The following NPC1L1 variants were observed in gnomAD, a reference collection of about 807,000 sequenced individuals.
NPC1L1 encodes NPC1 like intracellular cholesterol transporter 1.
A neutral mutation model predicts 117.0 loss-of-function variants in NPC1L1; 98 were observed. The ratio of observed to expected loss-of-function variants is 0.84; its 90% CI spans 0.71 to 0.99. The LOEUF (loss-of-function observed/expected upper bound fraction) is 0.99, where lower values mean the gene tolerates loss of function less well. Ranked by LOEUF, NPC1L1 falls within the 50% of genes least tolerant of loss-of-function variation. The probability of loss-of-function intolerance (pLI) is 0.00; values close to 1 mark genes in which losing one functional copy is unlikely to be tolerated. For missense variants in NPC1L1, 1,540 were observed against 1,710.0 expected (o/e 0.90, Z 1.75); for synonymous variants, 729 against 727.6 (o/e 1.00, Z -0.03).
At position 44,539,085 on chromosome 7, in the gene NPC1L1, G is replaced by A. The variant is rs1207203457; in HGVS notation, c.1312C>T (p.Leu438=). 2 of 1,613,984 alleles carry A rather than the reference G, an allele frequency of 1.2e-6. No homozygotes were observed. Among genetic ancestry groups the A allele is most frequent in the Non-Finnish European group, 1.7e-6 (2 of 1,179,980 alleles). The change falls in exon 2 of 19, where the codon CTG becomes TTG. Residue 438 remains leucine, a synonymous_variant. Coordinates refer to ENST00000381160, the MANE Select transcript of NPC1L1 (RefSeq NM_001101648.2). The surrounding 1 kb of genome is among the most constrained non-coding windows in gnomAD (Gnocchi z 4.4). ...GPKNFSGILD[L]DLLLELLELQ... is the part of the protein sequence containing the mutation. ...TCTAGCAGCTCCAGCAGCAAGTCCA[G>A]GTCCAGGATTCCGCTGAAGTTCTTG...
Position 44,521,042 on chromosome 7 carries a change from C to T in NPC1L1, c.3030G>A (p.Lys1010=), listed in dbSNP as rs369497625. The T allele has an allele frequency of 2.9e-5, 47 of 1,614,044 alleles. No individual in the cohort carries two copies. Among genetic ancestry groups the T allele is most frequent in the Non-Finnish European group, 3.6e-5 (43 of 1,180,050 alleles). Residue 1010 remains lysine, a synonymous_variant, in exon 13 of 19, where the codon AAG becomes AAA. Coordinates refer to ENST00000381160, the MANE Select transcript of NPC1L1 (RefSeq NM_001101648.2). The part of the protein sequence containing the change: ...SVRPSVEQFH[K]YLPWFLNDRP... ...GGTCGTTCAGGAACCAGGGAAGATA[C>T]TTATGGAACTGCTCCACCGAGGGCC...
chr7:44,539,668 G>A lies in NPC1L1; in HGVS notation c.729C>T (p.Cys243=). ...CCACGTCGTCACCTTGGGACTCATT[G>A]CAACGTGCAACCCCCTCATTCAGAG... The part of the protein sequence containing the change: ...IQPLNEGVAR[C]NESQGDDVAT... Residue 243 remains cysteine, a synonymous_variant, in exon 2 of 19, where the codon TGC becomes TGT. Coordinates refer to ENST00000381160, the MANE Select transcript of NPC1L1 (RefSeq NM_001101648.2). This position sits in a 1 kb window ranked among gnomAD's most constrained non-coding sequence, Gnocchi z 4.4. The A allele has an allele frequency of 6.2e-7, 1 of 1,613,968 alleles. No individual in the cohort carries two copies. Among genetic ancestry groups the A allele is most frequent in the Non-Finnish European group, 8.5e-7 (1 of 1,180,038 alleles).
At chr7:44,521,599 A>C in intron 12 of NPC1L1, 113 bp downstream of exon 12, 2 of 1,529,770 alleles carry the variant, frequency 1.3e-6, no homozygotes, top group Non-Finnish European at 1.8e-6. Flanking sequence ...CCCCCGACAG[A>C]CCCTGCAGGA....
chr7:44,517,265 T>C lies in NPC1L1; in HGVS notation c.3229A>G (p.Thr1077Ala), dbSNP rs1360680825. 1 of 1,613,762 alleles carries C rather than the reference T, an allele frequency of 6.2e-7. No individual in the cohort carries two copies. The highest frequency in any genetic ancestry group is 8.5e-7 in the Non-Finnish European group (1 of 1,179,902). The part of the protein sequence containing the change: ...RAARELAANI[T>A]ADLRKVPGTD... ...CCAGGCACTTTCCGCAGGTCAGCAG[T>C]GATGTTGGCTGCCAGCTCTCGAGCT... The change falls in exon 15 of 19, where the codon ACT becomes GCT. Residue 1077 changes from threonine to alanine, a missense_variant. Physicochemically the swap from Thr to Ala is moderately conservative, Grantham distance 58 (BLOSUM62 0). Around this residue, in one of 3 missense-constraint regions of NPC1L1, gnomAD observed 742 missense variants for 873.6 expected, o/e 0.85. Coordinates refer to ENST00000381160, the MANE Select transcript of NPC1L1 (RefSeq NM_001101648.2).
intron 14 of NPC1L1, among the ~76,000 whole-genome samples, chr7:44,518,869 A>G (rs1341695355): frequency 6.6e-6 from 1 of 152,112 alleles, no homozygotes; most frequent in Non-Finnish European, 1.5e-5. Context: ...ACAAATGCCC[A>G]GCCCAGCCCA....
chr7:44,533,850 G>T lies in NPC1L1; in HGVS notation c.2170C>A (p.Leu724Met), dbSNP rs1455886805. The change falls in exon 7 of 19, where the codon CTG becomes ATG. Residue 724 changes from leucine (L) to methionine (M), a missense_variant. Leu to Met is a conservative substitution (Grantham distance 15). This residue lies in a region of NPC1L1 where 742 missense variants were observed against 873.6 expected (regional missense o/e 0.85). Coordinates refer to ENST00000381160, the MANE Select transcript of NPC1L1 (RefSeq NM_001101648.2). ...IFIFVLEYQR[L>M]PRRPGEPREV... ...CGTGGCTCCCCAGGCCTCCGGGGCA[G>T]CCTCTGTGTGGGAACAGCAGGGATA... 2.5e-6 allele frequency: 4 copies of T among 1,610,254 alleles called. No individual in the cohort carries two copies. The South Asian group carries it at 4.4e-5, about 18-fold the overall frequency.
chr7:44,521,996 A>T lies in NPC1L1; in HGVS notation c.2828+56T>A. On this transcript the variant is annotated intron_variant, in intron 11 of 18. Coordinates refer to ENST00000381160, the MANE Select transcript of NPC1L1 (RefSeq NM_001101648.2). ...CATCAGGAAGAGGGGACTGGAGAGGACTGGAGGGACTCAAACAGGGAGTAG... is the reference window on the plus strand; with the variant it reads ...CATCAGGAAGAGGGGACTGGAGAGGTCTGGAGGGACTCAAACAGGGAGTAG... The T allele has an allele frequency of 4.4e-6, 7 of 1,599,494 alleles. No homozygotes were observed. The South Asian group carries it at 6.7e-5, about 15-fold the overall frequency.
Position 44,532,217 on chromosome 7 carries a change from C to T in NPC1L1, c.2410G>A (p.Ala804Thr), listed in dbSNP as rs769856384. Reference sequence around the variant, plus strand: ...CAGCAGCAGACGTCCAACCGGGAGGCCTGGAGTGGGAGGCACCCCCTCAAG... The same window carrying T: ...CAGCAGCAGACGTCCAACCGGGAGGTCTGGAGTGGGAGGCACCCCCTCAAG... ...LLSLDSKRQEASRLDVCCCVK... is the reference protein window; with the variant it reads ...LLSLDSKRQETSRLDVCCCVK... Residue 804 changes from alanine (A) to threonine (T), a missense_variant and splice_region_variant, in exon 9 of 19, where the codon GCC becomes ACC. This residue lies in a region of NPC1L1 where 742 missense variants were observed against 873.6 expected (regional missense o/e 0.85). Coordinates refer to ENST00000381160, the MANE Select transcript of NPC1L1 (RefSeq NM_001101648.2). 2.5e-6 allele frequency: 4 copies of T among 1,613,492 alleles called. No individual in the cohort carries two copies. The Admixed American group carries it at 6.7e-5, about 27-fold the overall frequency.
chr7:44,516,148 G>A lies in NPC1L1; in HGVS notation c.3569C>T (p.Ala1190Val). The part of the protein sequence containing the change: ...EFVSHITRSF[A>V]ISTKPTWLER... Reference sequence around the variant, plus strand: ...CAGCCAGGTGGGCTTGGTGCTGATGGCAAAGGAGCGGGTAATGTGGGACAC... The same window carrying A: ...CAGCCAGGTGGGCTTGGTGCTGATGACAAAGGAGCGGGTAATGTGGGACAC... The change falls in exon 17 of 19, where the codon GCC (alanine) becomes GTC (valine). Residue 1190 changes from alanine (A) to valine (V), a missense_variant. By Grantham distance (64) the Ala-to-Val change is moderately conservative. Around this residue, in one of 3 missense-constraint regions of NPC1L1, gnomAD observed 742 missense variants for 873.6 expected, o/e 0.85. Transcript: ENST00000381160. The A allele has an allele frequency of 6.2e-7, 1 of 1,612,568 alleles. No individual in the cohort carries two copies.
intron 12 of NPC1L1, among the ~76,000 whole-genome samples, chr7:44,521,399 C>T (rs1443642643): frequency 6.6e-6 from 1 of 152,196 alleles, no homozygotes; most frequent in Non-Finnish European, 1.5e-5. Flanking sequence ...GGCGGCAGGG[C>T]CATGTGCTAA....
chr7:44,513,412 AG>A lies in NPC1L1; in HGVS notation c.*34del. 1 of 1,598,456 alleles carries A rather than the reference AG, an allele frequency of 6.3e-7. No homozygotes were observed. Among genetic ancestry groups the A allele is most frequent in the Non-Finnish European group, 8.6e-7 (1 of 1,165,942 alleles). On this transcript the variant is annotated 3_prime_UTR_variant, in exon 19 of 19. Coordinates refer to ENST00000381160, the MANE Select transcript of NPC1L1 (RefSeq NM_001101648.2). ...GAAGATCCCCATAACCCTTTGGTTC[AG>A]GGCCATAGAGCCTAGACAGGGCCTC...
chr7:44,516,225 A>T lies in NPC1L1; in HGVS notation c.3520-28T>A, dbSNP rs751149720. 3.8e-6 allele frequency: 6 copies of T among 1,564,948 alleles called. No individual in the cohort carries two copies. The Admixed American group carries it at 1.1e-4, about 30-fold the overall frequency. ...ATGGGCAGAGAGGGGGCATAAGCCA[A>T]GAAAGGCAGAGGTGGGGAAGGAACT... On this transcript the variant is annotated intron_variant, in intron 16 of 18. Transcript: ENST00000381160.
At chr7:44,516,273 G>A (rs1801183390) in intron 16 of NPC1L1, 76 bp from the exon 17 acceptor site, 2 of 1,227,906 alleles carry the variant, frequency 1.6e-6, no homozygotes, top group African/African-American at 3.0e-5. Flanking sequence ...CCTCCACCAG[G>A]ACCAGCGTGG....
intron 10 of NPC1L1, among the ~76,000 whole-genome samples, 175 bp downstream of exon 10, chr7:44,531,580 A>G (rs1464994197): frequency 6.6e-6 from 1 of 152,152 alleles, no homozygotes; most frequent in East Asian, 1.9e-4. Context: ...TGTGCTGTTC[A>G]TACACGAATG....
In NPC1L1 at chr7:44,517,666, T is replaced by C. The variant is rs373897970; in HGVS notation, c.3137-309A>G. 1.9e-4 allele frequency among the ~76,000 whole-genome samples: 29 copies of C among 152,292 alleles called. No homozygotes were observed. In the South Asian group the frequency reaches 5.0e-3, roughly 26 times the overall value. ...TCTCTGTATGGTTTCAAGATATGCATTGGATTTTTAAAATTAACTTAATTG... is the reference window on the plus strand; with the variant it reads ...TCTCTGTATGGTTTCAAGATATGCACTGGATTTTTAAAATTAACTTAATTG... On this transcript the variant is annotated intron_variant, in intron 14 of 18. Transcript: ENST00000381160.
rs1016131822 is a variant in NPC1L1 at position 44,536,132 on chromosome 7, G to A, written c.1854+124C>T. On this transcript the variant is annotated intron_variant, in intron 4 of 18. Transcript: ENST00000381160. The surrounding 1 kb of genome is among the most constrained non-coding windows in gnomAD (Gnocchi z 4.7). ...TAAGAACAGCCATCACAATCACCCC[G>A]TTCTGAGCAGGCAGCCACTGCCCAG... 3.6e-5 allele frequency: 55 copies of A among 1,540,296 alleles called. No homozygotes were observed. Among genetic ancestry groups the A allele is most frequent in the Middle Eastern group, 4.6e-4 (2 of 4,322 alleles).
intron 10 of NPC1L1, among the ~76,000 whole-genome samples, chr7:44,525,656 T>C (rs1801491550): frequency 6.6e-6 from 1 of 151,978 alleles, no homozygotes; most frequent in Non-Finnish European, 1.5e-5. Flanking sequence ...GAGGATTGCT[T>C]GAGCCCAGGG....
chr7:44,522,197 C>T lies in NPC1L1; in HGVS notation c.2683G>A (p.Glu895Lys), dbSNP rs777460570. The change falls in exon 11 of 19, where the codon GAG becomes AAG. Residue 895 changes from glutamate to lysine, a missense_variant. Glu to Lys is a moderately conservative substitution (Grantham distance 56). Around this residue, in one of 3 missense-constraint regions of NPC1L1, gnomAD observed 742 missense variants for 873.6 expected, o/e 0.85. Transcript: ENST00000381160. ...ACAAAGTACACCGGGGCCCCCACCT[C>T]GAAGTAGCGGTTCAGAAAGAGGAAA... ...DYFLFLNRYFEVGAPVYFVTT... is the reference protein window; with the variant it reads ...DYFLFLNRYFKVGAPVYFVTT... The T allele has an allele frequency of 1.1e-5, 17 of 1,613,760 alleles. No individual in the cohort carries two copies. Among genetic ancestry groups the T allele is most frequent in the Non-Finnish European group, 1.4e-5 (17 of 1,179,914 alleles).
chr7:44,531,920 A>T (rs1455532031), intron 9 of NPC1L1, 76 bp from the exon 10 acceptor site: 4 of 1,524,870 alleles, frequency 2.6e-6, no homozygotes, highest in Non-Finnish European at 3.6e-6. Context: ...TAAGTCAGTC[A>T]GGGTGTCATG....
Sources: gnomAD v4.1 joint callset for allele counts (sites outside exome capture counted in the v4.1 genomes callset) on GRCh38, gnomAD v4.1.1 for gene constraint, gnomAD v4.1.1 regional missense constraint, Gnocchi (gnomAD v3.1) non-coding constraint, MANE v1.5 for transcripts, NCBI Gene and HGNC (gene_info 2026-07-23, HGNC 2026-07-21) for gene names.